The following GRIP2 variants were observed in gnomAD, a reference collection of about 807,000 sequenced individuals.
GRIP2 encodes glutamate receptor interacting protein 2, also known as glutamate receptor-interacting protein 2.
Under a neutral mutation model 108.3 loss-of-function variants are expected in GRIP2, and 58 were observed. The ratio of observed to expected loss-of-function variants is 0.54; its 90% confidence interval spans 0.43 to 0.67. The LOEUF (loss-of-function observed/expected upper bound fraction) is 0.67. Among genes scored for constraint, GRIP2 ranks in the 30% least tolerant of loss-of-function variants. The pLI is 0.00. For missense variants in GRIP2, 1,278 were observed against 1,430.6 expected (o/e 0.89, Z 1.72); for synonymous variants, 586 against 598.2 (o/e 0.98, Z 0.30).
In GRIP2 at chr3:14,514,364, C is replaced by T. The variant is rs1177386484; in HGVS notation, c.1421G>A (p.Gly474Asp). Residue 474 changes from glycine (G) to aspartate (D), a missense_variant, in exon 12 of 24, where the codon GGC (glycine) becomes GAC (aspartate). By Grantham distance (94) the Gly-to-Asp change is moderately conservative. Coordinates refer to ENST00000621039, the MANE Select transcript of GRIP2 (RefSeq NM_001080423.4). ...GGACAGGGTCTCGGTGGCGAAGATG[C>T]CGCCCTGGAGCTGGAGGCCAAAGCC... ...LSGFGLQLQG[G>D]IFATETLSSP... The T allele has an allele frequency of 1.9e-6, 3 of 1,573,802 alleles. No individual in the cohort carries two copies. Among genetic ancestry groups the T allele is most frequent in the East Asian group, 2.3e-5 (1 of 42,650 alleles).
chr3:14,501,477 A>G (rs1693762920), intron 21 of GRIP2, among the ~76,000 whole-genome samples: 3 of 152,254 alleles, frequency 2.0e-5, no homozygotes, highest in Admixed American at 2.0e-4. Context: ...ATTGGTTTGG[A>G]CAAAACAGGT....
rs186831666 is a variant in GRIP2, at chr3:14,551,519, G to C, written c.55+4381C>G. Among the ~76,000 whole-genome samples the C allele has an allele frequency of 3.3e-4, 50 of 152,310 alleles. No homozygotes were observed. The East Asian group carries it at 9.5e-3, about 29-fold the overall frequency. On this transcript the variant is annotated intron_variant, in intron 1 of 23. Coordinates refer to the GRIP2 transcript ENST00000637182. The stretch of plus-strand genomic sequence containing the variant: ...TGGAGGTGACAGCCAGGCGGAGAGC[G>C]GGAGGAGACTGTCCTGTGGGGAGCG...
chr3:14,517,550 G>A (rs1575008819), intron 10 of GRIP2, among the ~76,000 whole-genome samples: 1 of 135,584 alleles, frequency 7.4e-6, no homozygotes, highest in East Asian at 2.2e-4. Context: ...CACCCAGGCT[G>A]AAGTGCGGCG....
upstream of GRIP2, among the ~76,000 whole-genome samples, chr3:14,556,608 T>A (rs1207231629): frequency 6.6e-6 from 1 of 152,216 alleles, no homozygotes; most frequent in Non-Finnish European, 1.5e-5. Flanking sequence ...CGAGGAGACC[T>A]AGGCCCCGCC....
At chr3:14,548,277 A>G (rs1388470819) in intron 1 of GRIP2, among the ~76,000 whole-genome samples, 2 of 152,134 alleles carry the variant, frequency 1.3e-5, no homozygotes, top group East Asian at 3.9e-4. Context: ...CGGAGAAGAG[A>G]GGTCACCGAA....
rs1460890242 is a variant in GRIP2 at position 14,489,720 on chromosome 3, G to C, written c.*3945C>G. On this transcript the variant is annotated 3_prime_UTR_variant, in exon 24 of 24. Coordinates refer to ENST00000621039, the MANE Select transcript of GRIP2 (RefSeq NM_001080423.4). ...CAAGGCCACCAGGATGATTGGAGGT[G>C]ATGCTCTTGGCCTTAGGTGCTCACC... 6.6e-6 allele frequency: 1 copy of C among 152,330 alleles called. No homozygotes were observed. Among genetic ancestry groups the C allele is most frequent in the Non-Finnish European group, 1.5e-5 (1 of 68,130 alleles). 9.4% of individuals were successfully genotyped at this position (152,330 alleles called of 1,614,324 possible). A position where few individuals can be genotyped will look rare whatever the true frequency, so the allele number is the denominator to read the frequency against.
chr3:14,559,809 TCAGTTTCCCC>T (rs1343764743), upstream of GRIP2, among the ~76,000 whole-genome samples: 2 of 152,194 alleles, frequency 1.3e-5, no homozygotes, highest in Non-Finnish European at 2.9e-5. Flanking sequence ...TCCCTGAGCC[TCAGTTTCCCC>T]GTCTGAACAC....
chr3:14,538,225 A>G (rs1452217065), intron 1 of GRIP2, among the ~76,000 whole-genome samples: 1 of 152,122 alleles, frequency 6.6e-6, no homozygotes, highest in Non-Finnish European at 1.5e-5. Context: ...CTTCTGTGCC[A>G]AATGTGGAGG....
chr3:14,545,856 TCAGCTGGG>T (rs1695050190), upstream of GRIP2, among the ~76,000 whole-genome samples: 1 of 152,110 alleles, frequency 6.6e-6, no homozygotes, highest in African/African-American at 2.4e-5. Flanking sequence ...CTTCCAGAGG[TCAGCTGGG>T]CCAGACGTTT....
chr3:14,527,170 C>T lies in GRIP2; in HGVS notation c.41-1239G>A, dbSNP rs539662051. Reference sequence around the variant, plus strand: ...CCACTGCATTCCAGTGACAGAGAGACTCTGAGACCCTCACTCTGTCTCGAA... The same window carrying T: ...CCACTGCATTCCAGTGACAGAGAGATTCTGAGACCCTCACTCTGTCTCGAA... On this transcript the variant is annotated intron_variant, in intron 1 of 23. Transcript: ENST00000621039. Among the ~76,000 whole-genome samples the T allele has an allele frequency of 2.2e-3, 333 of 152,042 alleles. 4 individuals carry two copies. The highest frequency in any genetic ancestry group is 7.8e-3 in the African/African-American group (324 of 41,454).
chr3:14,521,828 C>T lies in GRIP2; in HGVS notation c.567-41G>A. ...AGTCACCAGCCTGGCCCGGCAGCAGCACTGGGCACAGCCTGTCTGGGAGGG... is the reference window on the plus strand; with the variant it reads ...AGTCACCAGCCTGGCCCGGCAGCAGTACTGGGCACAGCCTGTCTGGGAGGG... On this transcript the variant is annotated intron_variant, in intron 6 of 23. Transcript: ENST00000621039. The surrounding 1 kb of genome is among the most constrained non-coding windows in gnomAD (Gnocchi z 5.1). The T allele has an allele frequency of 6.5e-7, 1 of 1,527,644 alleles. No individual in the cohort carries two copies. The highest frequency in any genetic ancestry group is 8.8e-7 in the Non-Finnish European group (1 of 1,136,530). 94.6% of individuals were successfully genotyped at this position (1,527,644 alleles called of 1,614,324 possible).
the GRIP2 span, chr3:14,573,359 C>T: frequency 7.5e-6 from 10 of 1,340,142 alleles, no homozygotes; most frequent in South Asian, 6.0e-5. Flanking sequence ...GCCACCCTGC[C>T]AGCTTCTCCA....
At chr3:14,515,079 C>T (rs763703152) in intron 11 of GRIP2, among the ~76,000 whole-genome samples, 1 of 152,198 alleles carries the variant, frequency 6.6e-6, no homozygotes, top group Non-Finnish European at 1.5e-5. Context: ...TTTATATAAA[C>T]AGAATCATGC....
chr3:14,507,592 G>A lies in GRIP2; in HGVS notation c.2187C>T (p.Thr729=), dbSNP rs753422702. The change falls in exon 18 of 24, where the codon ACC becomes ACT. Residue 729 remains threonine (T), a synonymous_variant. Coordinates refer to ENST00000621039, the MANE Select transcript of GRIP2 (RefSeq NM_001080423.4). This position sits in a 1 kb window ranked among gnomAD's most constrained non-coding sequence, Gnocchi z 4.6. The part of the protein sequence containing the change: ...AIHLLQVAGE[T]VTLKIKKQLD... ...GTTGCTTCTTGATCTTCAGTGTGAC[G>A]GTCTCTCCAGCCACCTGCAGGAGGT... is the stretch of plus-strand genomic sequence containing the variant. 117 of 1,613,830 alleles carry A rather than the reference G, an allele frequency of 7.2e-5. 1 individual carries two copies. The highest frequency in any genetic ancestry group is 2.1e-4 in the South Asian group (19 of 91,090).
At chr3:14,566,676 C>G in the GRIP2 span, among the ~76,000 whole-genome samples, 4 of 152,192 alleles carry the variant, frequency 2.6e-5, no homozygotes, top group Non-Finnish European at 5.9e-5. Context: ...CAAGCCGTGA[C>G]CTCCTAAAAG....
chr3:14,591,492 G>A, the GRIP2 span, among the ~76,000 whole-genome samples: 14 of 152,136 alleles, frequency 9.2e-5, no homozygotes, highest in South Asian at 2.7e-3. Context: ...TCAGACCTAC[G>A]CTCAGTCAGG....
the GRIP2 span, chr3:14,573,960 T>C: frequency 2.8e-6 from 3 of 1,080,790 alleles, no homozygotes; most frequent in Non-Finnish European, 4.2e-6. Context: ...AATGAAGCTG[T>C]GCACCTGCGG....
Position 14,512,650 on chromosome 3 carries a change from C to T in GRIP2, c.1720+127G>A. The T allele has an allele frequency of 2.3e-6, 2 of 851,666 alleles. No individual in the cohort carries two copies. Among genetic ancestry groups the T allele is most frequent in the East Asian group, 2.7e-5 (1 of 37,290 alleles). 52.8% of individuals were successfully genotyped at this position (851,666 alleles called of 1,614,324 possible). On this transcript the variant is annotated intron_variant, in intron 14 of 23. Transcript: ENST00000621039. The surrounding 1 kb of genome is among the most constrained non-coding windows in gnomAD (Gnocchi z 5.1). ...CCACGGAAGCCAGCCTCCCCACACC[C>T]CCAAGCCTTTTCCTCGGGCCCCGCA... is the stretch of plus-strand genomic sequence containing the variant.
chr3:14,595,563 C>G, the GRIP2 span, among the ~76,000 whole-genome samples: 3,152 of 152,312 alleles, frequency 0.021, 104 homozygotes, highest in African/African-American at 0.072. Context: ...AAAGGTCAGA[C>G]AGTCGCCACG....
Sources: gnomAD v4.1 joint callset for allele counts (sites outside exome capture counted in the v4.1 genomes callset) on GRCh38, gnomAD v4.1.1 for gene constraint, Gnocchi (gnomAD v3.1) non-coding constraint, MANE v1.5 for transcripts, NCBI Gene and HGNC (gene_info 2026-07-23, HGNC 2026-07-21) for gene names.